The following FUT9 variants were observed in gnomAD, a reference collection of about 807,000 sequenced individuals.
FUT9 encodes the protein fucosyltransferase 9.
Under a neutral mutation model 29.7 loss-of-function variants are expected in FUT9, and 15 were observed. The observed-to-expected ratio is 0.51, with a 90% CI of 0.34 to 0.78. The LOEUF (loss-of-function observed/expected upper bound fraction) is 0.78, where lower values mean the gene tolerates loss of function less well. FUT9 is among the 30% of genes least tolerant of loss of function. FUT9 has a pLI of 0.01. For synonymous variants in FUT9, 169 were observed against 153.7 expected (o/e 1.10, Z -0.74); for missense variants, 319 against 425.4 (o/e 0.75, Z 2.20).
intron 1 of FUT9, among the ~76,000 whole-genome samples, chr6:96,035,723 A>G (rs1345824690): frequency 1.5e-5 from 2 of 137,914 alleles, no homozygotes; most frequent in African/African-American, 2.6e-5. Context: ...TTATACTAAT[A>G]AATATAACAT....
Position 96,045,406 on chromosome 6 carries a change from G to T in FUT9, c.-98+29194G>T, listed in dbSNP as rs947138894. On this transcript the variant is annotated intron_variant, in intron 1 of 2. Coordinates refer to ENST00000302103, the MANE Select transcript of FUT9 (RefSeq NM_006581.4). Reference sequence around the variant, plus strand: ...TCATATGCTATCCCAGCTAGATTTTGTTTTATGTTGTTCCATGTGCCACAT... The same window carrying T: ...TCATATGCTATCCCAGCTAGATTTTTTTTTATGTTGTTCCATGTGCCACAT... 2.0e-5 allele frequency among the ~76,000 whole-genome samples: 3 copies of T among 152,146 alleles called. No homozygotes were observed. In the East Asian group the frequency reaches 5.8e-4, roughly 29 times the overall value.
At position 96,076,990 on chromosome 6, in the gene FUT9, AG is replaced by A. The variant is rs1166045914; in HGVS notation, c.-97-37048del. On this transcript the variant is annotated intron_variant, in intron 1 of 2. Coordinates refer to ENST00000302103, the MANE Select transcript of FUT9 (RefSeq NM_006581.4). ...TTTTTATCAGAGCAATATGCTCAAA[AG>A]CATAAAACCATTATATAATACAAAA... 4.6e-5 allele frequency among the ~76,000 whole-genome samples: 7 copies of A among 152,326 alleles called. No individual in the cohort carries two copies. In the South Asian group the frequency reaches 1.0e-3, roughly 23 times the overall value.
chr6:96,053,281 A>C (rs1371172139), intron 1 of FUT9, among the ~76,000 whole-genome samples: 1 of 152,190 alleles, frequency 6.6e-6, no homozygotes, highest in African/African-American at 2.4e-5. Context: ...TGTAATTTAG[A>C]AACTTTAAAT....
chr6:96,039,487 A>G (rs1201860421), intron 1 of FUT9, among the ~76,000 whole-genome samples: 1 of 151,674 alleles, frequency 6.6e-6, no homozygotes, highest in Non-Finnish European at 1.5e-5. Context: ...CCGCTATCTC[A>G]TTTTTCTTCA....
intron 2 of FUT9, among the ~76,000 whole-genome samples, chr6:96,177,538 C>T (rs1324923390): frequency 6.6e-6 from 1 of 152,150 alleles, no homozygotes; most frequent in Non-Finnish European, 1.5e-5. Context: ...TGACTACACT[C>T]CTAATTCTCA....
At chr6:96,091,464 G>A (rs1442357441) in intron 1 of FUT9, among the ~76,000 whole-genome samples, 1 of 151,966 alleles carries the variant, frequency 6.6e-6, no homozygotes, top group Non-Finnish European at 1.5e-5. Flanking sequence ...AAAGAAATCA[G>A]TTTTATCTTA....
At chr6:96,090,115 C>T (rs1420345038) in intron 1 of FUT9, among the ~76,000 whole-genome samples, 1 of 151,960 alleles carries the variant, frequency 6.6e-6, no homozygotes, top group African/African-American at 2.4e-5. Flanking sequence ...AGAGTGCTTA[C>T]GGCCCATAAG....
intron 1 of FUT9, among the ~76,000 whole-genome samples, chr6:96,016,676 G>C (rs1769985656): frequency 6.6e-6 from 1 of 152,124 alleles, no homozygotes; most frequent in Non-Finnish European, 1.5e-5. Flanking sequence ...TGGCTCTCGA[G>C]CCCGACTGTC....
intron 1 of FUT9, among the ~76,000 whole-genome samples, chr6:96,029,412 G>T (rs1372898551): frequency 6.6e-6 from 1 of 151,380 alleles, no homozygotes; most frequent in Non-Finnish European, 1.5e-5. Flanking sequence ...GCAGAGTAAG[G>T]GATTGGCTGC....
Position 96,060,563 on chromosome 6 carries a change from GTC to G in FUT9, c.-98+44359_-98+44360del, listed in dbSNP as rs200044923. ...TCTCTCTTTTTTTTTTTGACATGGA[GTC>G]TCTCTCTGTCACCCAGGCTGGAGCA... is the stretch of plus-strand genomic sequence containing the variant. On this transcript the variant is annotated intron_variant, in intron 1 of 2. Transcript: ENST00000302103. Among the ~76,000 whole-genome samples the G allele has an allele frequency of 8.5e-3, 1,267 of 149,116 alleles. 29 individuals carry two copies. The highest frequency in any genetic ancestry group is 0.03 in the African/African-American group (1,208 of 40,388).
chr6:96,085,065 A>G (rs1011406581), intron 1 of FUT9, among the ~76,000 whole-genome samples: 4 of 152,172 alleles, frequency 2.6e-5, no homozygotes, highest in African/African-American at 9.6e-5. Context: ...CACAGAACAT[A>G]TTCGCATAAG....
chr6:96,171,357 G>GCCAAATT (rs1773109059), intron 2 of FUT9, among the ~76,000 whole-genome samples: 6 of 152,210 alleles, frequency 3.9e-5, no homozygotes, highest in Admixed American at 2.0e-4. Context: ...ACTCAAGGCA[G>GCCAAATT]TAAGCAGTTG....
At chr6:96,200,552 G>T (rs774866062) in intron 2 of FUT9, among the ~76,000 whole-genome samples, 2 of 152,136 alleles carry the variant, frequency 1.3e-5, no homozygotes, top group African/African-American at 4.8e-5. Flanking sequence ...GGCTAAGGGT[G>T]AGCATTTATT....
chr6:96,122,562 G>A (rs763986618), intron 2 of FUT9, among the ~76,000 whole-genome samples: 2 of 152,022 alleles, frequency 1.3e-5, no homozygotes, highest in Non-Finnish European at 2.9e-5. Flanking sequence ...TTTTGATTTT[G>A]TAATCAGTGT....
chr6:96,079,674 T>A lies in FUT9; in HGVS notation c.-97-34365T>A, dbSNP rs547080102. ...AGGACATTTAGGATAATAATCCTAT[T>A]GTTCTACAATATGTTTCTAGTGTAA... On this transcript the variant is annotated intron_variant, in intron 1 of 2. Coordinates refer to ENST00000302103, the MANE Select transcript of FUT9 (RefSeq NM_006581.4). 4.6e-5 allele frequency among the ~76,000 whole-genome samples: 7 copies of A among 152,222 alleles called. No homozygotes were observed. In the East Asian group the frequency reaches 1.4e-3, roughly 29 times the overall value.
intron 2 of FUT9, among the ~76,000 whole-genome samples, chr6:96,198,625 A>G (rs1348069523): frequency 1.3e-5 from 2 of 152,186 alleles, no homozygotes; most frequent in African/African-American, 4.8e-5. Flanking sequence ...TCCTTTGGGT[A>G]TATACCCAGT....
intron 2 of FUT9, among the ~76,000 whole-genome samples, chr6:96,189,587 C>T (rs1290946477): frequency 1.3e-5 from 2 of 152,198 alleles, no homozygotes; most frequent in East Asian, 3.9e-4. Flanking sequence ...AATCTGGGTG[C>T]TCCTGTATTG....
rs1772278310 is a variant in FUT9 at position 96,133,119 on chromosome 6, C to T, written c.-9+18992C>T. Reference sequence around the variant, plus strand: ...CCCTTTCCCTGGAGTCCCCAGGGCACTTTTTTAAAAATAATAATAACAACA... The same window carrying T: ...CCCTTTCCCTGGAGTCCCCAGGGCATTTTTTTAAAAATAATAATAACAACA... On this transcript the variant is annotated intron_variant, in intron 2 of 2. Coordinates refer to ENST00000302103, the MANE Select transcript of FUT9 (RefSeq NM_006581.4). 2.0e-5 allele frequency among the ~76,000 whole-genome samples: 3 copies of T among 151,700 alleles called. 1 individual carries two copies. The highest frequency in any genetic ancestry group is 1.3e-4 in the Admixed American group (2 of 15,188).
At chr6:96,087,038 G>A (rs527305109) in intron 1 of FUT9, among the ~76,000 whole-genome samples, 7 of 152,202 alleles carry the variant, frequency 4.6e-5, no homozygotes, top group Admixed American at 2.0e-4. Flanking sequence ...CAAACGTTAC[G>A]CATATGGGTG....
Sources: allele counts gnomAD v4.1 joint callset (sites outside exome capture counted in the v4.1 genomes callset), GRCh38; gene constraint gnomAD v4.1.1; transcripts MANE v1.5; gene names NCBI Gene and HGNC (gene_info 2026-07-23, HGNC 2026-07-21).